Variants in SUCLA2 observed in about 807,000 individuals in gnomAD.
SUCLA2 encodes succinate--CoA ligase [ADP-forming] subunit beta, mitochondrial.
Under a neutral mutation model 54.8 loss-of-function variants are expected in SUCLA2, and 30 were observed. The observed-to-expected ratio is 0.55, with a 90% CI of 0.41 to 0.74. SUCLA2 has a LOEUF of 0.74. Ranked by LOEUF, SUCLA2 falls within the 30% of genes least tolerant of loss-of-function variation. The probability of loss-of-function intolerance (pLI) is 0.00; values close to 1 mark genes in which losing one functional copy is unlikely to be tolerated. For missense variants in SUCLA2, 476 were observed against 562.9 expected (o/e 0.85, Z 1.56); for synonymous variants, 172 against 188.9 (o/e 0.91, Z 0.74).
intron 1 of SUCLA2, among the ~76,000 whole-genome samples, chr13:47,997,229 T>C (rs1314224832): frequency 1.3e-5 from 2 of 152,134 alleles, no homozygotes; most frequent in Admixed American, 6.5e-5. Context: ...TATTTCCTCA[T>C]CATCTCTATT....
intron 4 of SUCLA2, among the ~76,000 whole-genome samples, chr13:47,986,259 C>G (rs555875777): frequency 2.0e-5 from 3 of 152,122 alleles, no homozygotes; most frequent in African/African-American, 7.2e-5. Context: ...TCAAACTCCT[C>G]ACCTCAGGTA....
chr13:47,945,422 C>CAAAAAAAAAAAAAAAAAA (rs10661341), intron 10 of SUCLA2, among the ~76,000 whole-genome samples: 1 of 50,006 alleles, frequency 2.0e-5, no homozygotes, highest in Non-Finnish European at 3.3e-5. Flanking sequence ...GACTCAGTCT[C>CAAAAAAAAAAAAAAAAAA]AAAAAAAAAA....
intron 4 of SUCLA2, among the ~76,000 whole-genome samples, chr13:47,981,379 T>C (rs1452185298): frequency 2.0e-5 from 3 of 152,136 alleles, no homozygotes; most frequent in East Asian, 1.9e-4. Context: ...GTATCACTAA[T>C]AACGGGGGAA....
intron 10 of SUCLA2, among the ~76,000 whole-genome samples, chr13:47,945,249 TAA>T (rs35349385): frequency 0.019 from 1,603 of 85,206 alleles, 39 homozygotes; most frequent in African/African-American, 0.059. Context: ...AACTCTGTCT[TAA>T]AAAAAAAAAA....
chr13:47,977,847 T>C (rs972496695), intron 4 of SUCLA2, among the ~76,000 whole-genome samples: 3 of 152,054 alleles, frequency 2.0e-5, no homozygotes, highest in African/African-American at 7.2e-5. Flanking sequence ...TGTGCAAAAA[T>C]CATAAGCATT....
intron 6 of SUCLA2, among the ~76,000 whole-genome samples, chr13:47,957,439 C>A (rs1949830285): frequency 6.6e-6 from 1 of 152,118 alleles, no homozygotes; most frequent in Non-Finnish European, 1.5e-5. Context: ...GTCTCAGAAG[C>A]CATCCTAAGC....
intron 10 of SUCLA2, among the ~76,000 whole-genome samples, chr13:47,947,350 A>G (rs1023604600): frequency 6.6e-6 from 1 of 152,032 alleles, no homozygotes; most frequent in Non-Finnish European, 1.5e-5. Flanking sequence ...AACAAAAAAA[A>G]CCCTAGGTCA....
intron 6 of SUCLA2, among the ~76,000 whole-genome samples, chr13:47,954,837 T>C (rs1209039419): frequency 6.6e-6 from 1 of 152,110 alleles, no homozygotes; most frequent in African/African-American, 2.4e-5. Flanking sequence ...TTAAAAATTG[T>C]CAAAAATTAA....
intron 8 of SUCLA2, 125 bp downstream of exon 8, chr13:47,954,015 C>T (rs1949797109): frequency 7.7e-6 from 7 of 906,160 alleles, no homozygotes; most frequent in Admixed American, 4.0e-5. Flanking sequence ...CAAAAAAAGA[C>T]TCAAAATATA....
intron 2 of SUCLA2, among the ~76,000 whole-genome samples, chr13:47,996,181 G>A (rs541763946): frequency 4.3e-4 from 65 of 151,908 alleles, no homozygotes; most frequent in Admixed American, 7.9e-4. Flanking sequence ...AAAATTAGCC[G>A]GACATGGTGG....
At chr13:47,986,907 A>G (rs997239919) in intron 4 of SUCLA2, among the ~76,000 whole-genome samples, 8 of 152,216 alleles carry the variant, frequency 5.3e-5, no homozygotes, top group African/African-American at 1.7e-4. Context: ...ATAGGTGACT[A>G]ATTTTTGTTG....
At chr13:47,963,667 AAC>A (rs1395661650) in intron 6 of SUCLA2, among the ~76,000 whole-genome samples, 1 of 151,836 alleles carries the variant, frequency 6.6e-6, no homozygotes, top group Non-Finnish European at 1.5e-5. Context: ...CAAAAAAAAA[AAC>A]AGACATAAAT....
In SUCLA2 at chr13:47,943,257, G is replaced by A; in HGVS notation, c.*114C>T. 1 of 1,023,808 alleles carries A rather than the reference G, an allele frequency of 9.8e-7. No homozygotes were observed. Among genetic ancestry groups the A allele is most frequent in the Non-Finnish European group, 1.5e-6 (1 of 645,742 alleles). The allele number at this position is 1,023,808 out of a possible 1,614,324, so 63.4% of individuals were successfully genotyped here. On this transcript the variant is annotated 3_prime_UTR_variant, in exon 11 of 11. Transcript: ENST00000646932. The stretch of plus-strand genomic sequence containing the variant: ...ATCCTTTTAAATGTTTGTGTGCCTA[G>A]ATGGCAATTACAATCTCCACACACT...
At chr13:47,954,355 A>AT in intron 7 of SUCLA2, 41 bp downstream of exon 7, 1 of 1,613,888 alleles carries the variant, frequency 6.2e-7, no homozygotes, top group Non-Finnish European at 8.5e-7. Flanking sequence ...AATCCAAATT[A>AT]AACTTAGTGA....
At chr13:47,966,015 T>C (rs1949915539) in intron 6 of SUCLA2, among the ~76,000 whole-genome samples, 1 of 152,166 alleles carries the variant, frequency 6.6e-6, no homozygotes, top group Non-Finnish European at 1.5e-5. Context: ...ACCACTGCAC[T>C]CCAGCCTGGG....
chr13:47,975,284 C>A (rs1175183871), intron 4 of SUCLA2, among the ~76,000 whole-genome samples: 1 of 151,988 alleles, frequency 6.6e-6, no homozygotes, highest in Non-Finnish European at 1.5e-5. Context: ...TCTCAGCCTC[C>A]CAAGTAGTTG....
intron 6 of SUCLA2, among the ~76,000 whole-genome samples, chr13:47,954,902 C>T (rs1475992886): frequency 6.6e-6 from 1 of 152,084 alleles, no homozygotes; most frequent in South Asian, 2.1e-4. Flanking sequence ...CATCCCCTCT[C>T]CTCTACTCAA....
chr13:47,955,547 C>T (rs1233682083), intron 6 of SUCLA2, among the ~76,000 whole-genome samples: 2 of 152,010 alleles, frequency 1.3e-5, no homozygotes, highest in African/African-American at 2.4e-5. Context: ...GGATTTTACA[C>T]TTTTAAAGGA....
At chr13:47,981,844 G>A (rs1389933027) in intron 4 of SUCLA2, among the ~76,000 whole-genome samples, 2 of 152,054 alleles carry the variant, frequency 1.3e-5, no homozygotes, top group Admixed American at 1.3e-4. Flanking sequence ...AATTAGCAGG[G>A]TGTGGTGGTG....
Sources: gnomAD v4.1 joint callset for allele counts (sites outside exome capture counted in the v4.1 genomes callset) on GRCh38, gnomAD v4.1.1 for gene constraint, MANE v1.5 for transcripts, NCBI Gene and HGNC (gene_info 2026-07-23, HGNC 2026-07-21) for gene names.